GPN1: variants seen among roughly 807,000 people sequenced by gnomAD.
The protein encoded by GPN1 is ATP(GTP)-binding protein.
GPN1 carries 44 observed loss-of-function variants against 55.9 expected under a neutral mutation model. The observed-to-expected ratio is 0.79, with a 90% CI of 0.62 to 1.01. The LOEUF (loss-of-function observed/expected upper bound fraction) is 1.01. Among genes scored for constraint, GPN1 ranks in the 50% least tolerant of loss-of-function variants. GPN1 has a pLI of 0.00. For missense variants in GPN1, 466 were observed against 462.8 expected (o/e 1.01, Z -0.06); for synonymous variants, 179 against 162.5 (o/e 1.10, Z -0.77).
intron 11 of GPN1, chr2:27,642,152 GAACTC>G (rs1314406084): frequency 6.1e-6 from 2 of 326,006 alleles, no homozygotes; most frequent in Admixed American, 4.4e-5. Flanking sequence ...ACCCTGGACT[GAACTC>G]AACACTTTAG....
chr2:27,645,272 A>AT (rs547090620), intron 12 of GPN1, among the ~76,000 whole-genome samples: 2,030 of 148,426 alleles, frequency 0.014, 15 homozygotes, highest in Middle Eastern at 0.09. Context: ...TCCCCAGCCC[A>AT]TTTTTTTTTT....
chr2:27,629,341 A>T, intron 1 of GPN1, 172 bp downstream of exon 1: 1 of 1,526,422 alleles, frequency 6.6e-7, no homozygotes, highest in Non-Finnish European at 8.9e-7. Context: ...GGCCCTAGCC[A>T]GGTTAATTAA....
In GPN1 at chr2:27,631,397, G is replaced by A. The variant is rs1673548676; in HGVS notation, c.245+331G>A. 9.1e-6 allele frequency: 4 copies of A among 438,710 alleles called. No homozygotes were observed. In the South Asian group the frequency reaches 1.1e-4, roughly 12 times the overall value. The allele number at this position is 438,710 out of a possible 1,614,324, so 27.2% of individuals were successfully genotyped here. A position where few individuals can be genotyped will look rare whatever the true frequency, so the allele number is the denominator to read the frequency against. ...TTTAGACTGGGAAACTCAGAAATGA[G>A]TGAGTTTAGTTGGATTAACTCTTAG... On this transcript the variant is annotated intron_variant, in intron 3 of 13. Transcript: ENST00000610189.
At chr2:27,628,757 AC>A (rs1673395126), upstream of GPN1, 1 of 1,543,996 alleles carries the variant, frequency 6.5e-7, no homozygotes, top group Admixed American at 2.0e-5. Flanking sequence ...TGCCCTCGGG[AC>A]CCCATCTCTT....
intron 11 of GPN1, among the ~76,000 whole-genome samples, chr2:27,641,759 A>AT (rs1168726302): frequency 6.6e-6 from 1 of 152,104 alleles, no homozygotes; most frequent in Admixed American, 6.5e-5. Context: ...TGCCTGGCTA[A>AT]TTTTATTTTG....
At chr2:27,629,819 C>T in intron 1 of GPN1, 40 bp from the exon 2 acceptor site, 2 of 1,086,184 alleles carry the variant, frequency 1.8e-6, no homozygotes. Flanking sequence ...CTCTTGTCCC[C>T]TCTTTGTCTC....
At chr2:27,634,695 G>A in intron 5 of GPN1, 151 bp from the exon 6 acceptor site, 1 of 621,624 alleles carries the variant, frequency 1.6e-6, no homozygotes, top group Non-Finnish European at 3.0e-6. Flanking sequence ...ATCATCATGT[G>A]CAGTTTAGGG....
upstream of GPN1, chr2:27,628,655 C>A (rs937621979): frequency 5.2e-6 from 8 of 1,551,420 alleles, no homozygotes; most frequent in African/African-American, 9.6e-5. Context: ...ACCGAATAAG[C>A]CCGAGCAGCC....
At chr2:27,635,298 C>CACTTTT in intron 7 of GPN1, 64 bp downstream of exon 7, 6 of 445,244 alleles carry the variant, frequency 1.3e-5, no homozygotes, top group Non-Finnish European at 2.2e-5. Flanking sequence ...CTTCTTCTTC[C>CACTTTT]TCTTTTTTTT....
In GPN1 at chr2:27,643,878, TAAAG is replaced by T. The variant is rs1674083863; in HGVS notation, c.931+1362_931+1365del. Among the ~76,000 whole-genome samples the T allele has an allele frequency of 1.3e-5, 2 of 152,274 alleles. No individual in the cohort carries two copies. Among genetic ancestry groups the T allele is most frequent in the South Asian group, 2.1e-4 (1 of 4,822 alleles). On this transcript the variant is annotated intron_variant, in intron 12 of 13. Coordinates refer to ENST00000610189, the MANE Select transcript of GPN1 (RefSeq NM_007266.4). The surrounding 1 kb of genome is among the most constrained non-coding windows in gnomAD (Gnocchi z 4.0). ...AAAGTGGTGTATGCTACGTTTTTCA[TAAAG>T]AATTACTATTTTTAGGCCGGGCGCA...
upstream of GPN1, chr2:27,629,029 T>C (rs1673413739): frequency 6.2e-7 from 1 of 1,613,864 alleles, no homozygotes; most frequent in Non-Finnish European, 8.5e-7. Flanking sequence ...GCGGTGTCTC[T>C]ATGGTCGGGT....
intron 7 of GPN1, among the ~76,000 whole-genome samples, chr2:27,636,723 C>T (rs1379395558): frequency 6.6e-6 from 1 of 152,166 alleles, no homozygotes; most frequent in Non-Finnish European, 1.5e-5. Flanking sequence ...GATCTGCCCG[C>T]CTTGGCCTCC....
At chr2:27,642,958 T>TATATATACAC (rs10643705) in intron 12 of GPN1, among the ~76,000 whole-genome samples, 4 of 122,610 alleles carry the variant, frequency 3.3e-5, no homozygotes, top group Non-Finnish European at 6.7e-5. Flanking sequence ...TATATATATA[T>TATATATACAC]ACACACACAC....
Position 27,643,197 on chromosome 2 carries a change from ATTTT to A in GPN1, c.931+688_931+691del, listed in dbSNP as rs199697263. On this transcript the variant is annotated intron_variant, in intron 12 of 13. Coordinates refer to ENST00000610189, the MANE Select transcript of GPN1 (RefSeq NM_007266.4). This position sits in a 1 kb window ranked among gnomAD's most constrained non-coding sequence, Gnocchi z 4.0. ...TCAATTTTTTTTATAATTAAAAAAA[ATTTT>A]TTTTTTTTTACAGTTTGACCTTAAT... Among the ~76,000 whole-genome samples, 3 of 144,420 alleles carry A rather than the reference ATTTT, an allele frequency of 2.1e-5. No individual in the cohort carries two copies. Among genetic ancestry groups the A allele is most frequent in the Non-Finnish European group, 4.6e-5 (3 of 65,454 alleles). The allele number at this position is 144,420 out of a possible 152,430, so 94.7% of individuals were successfully genotyped here. A position where few individuals can be genotyped will look rare whatever the true frequency, so the allele number is the denominator to read the frequency against.
At chr2:27,631,549 A>G (rs1673553729) in intron 3 of GPN1, 1 of 523,432 alleles carries the variant, frequency 1.9e-6, no homozygotes, top group South Asian at 2.2e-5. Context: ...GGTGGCCTTA[A>G]TGACCAATGC....
chr2:27,644,728 T>TC, intron 12 of GPN1, among the ~76,000 whole-genome samples: 1 of 148,020 alleles, frequency 6.8e-6, no homozygotes, highest in Non-Finnish European at 1.5e-5. Context: ...GTAGTGTTTT[T>TC]TTTTTTTTTT....
At position 27,638,237 on chromosome 2, in the gene GPN1, C is replaced by A; in HGVS notation, c.552C>A (p.Phe184Leu). 6.4e-7 allele frequency: 1 copy of A among 1,566,858 alleles called. No individual in the cohort carries two copies. Among genetic ancestry groups the A allele is most frequent in the Non-Finnish European group, 8.8e-7 (1 of 1,137,118 alleles). ...TCTTATACAAAACCAAGCTGCCTTT[C>A]ATTGTGGTCATGAATAAAGTAAGTG... ...CSILYKTKLP[F>L]IVVMNKTDII... Residue 184 changes from phenylalanine (F) to leucine (L), a missense_variant, in exon 8 of 14, where the codon TTC becomes TTA. Physicochemically the swap from Phe to Leu is conservative, Grantham distance 22. Coordinates refer to ENST00000610189, the MANE Select transcript of GPN1 (RefSeq NM_007266.4).
In GPN1 at chr2:27,629,109, G is replaced by A. The variant is rs780386452; in HGVS notation, c.51G>A (p.Arg17=). The change falls in exon 1 of 14, where the codon CGG becomes CGA. Residue 17 remains arginine, a synonymous_variant. Transcript: ENST00000610189. ...AGCTCCAGGCTTCTGGGGGTCCGCG[G>A]CACCCAGTGTGTCTGTTGGTGTTGG... ...AAELQASGGP[R]HPVCLLVLGM... The A allele has an allele frequency of 1.2e-5, 20 of 1,614,250 alleles. No individual in the cohort carries two copies. The highest frequency in any genetic ancestry group is 6.7e-5 in the African/African-American group (5 of 75,078).
At position 27,640,318 on chromosome 2, in the gene GPN1, A is replaced by G. The variant is rs142282653; in HGVS notation, c.800+193A>G. Among the ~76,000 whole-genome samples, 431 of 152,326 alleles carry G rather than the reference A, an allele frequency of 2.8e-3. 2 individuals carry two copies. Among genetic ancestry groups the G allele is most frequent in the Non-Finnish European group, 3.4e-3 (234 of 68,024 alleles). ...AATTTTGTTTTTTTTAAATAGAAGTATAAATCTTCATTGTATTGAGTGATT... is the reference window on the plus strand; with the variant it reads ...AATTTTGTTTTTTTTAAATAGAAGTGTAAATCTTCATTGTATTGAGTGATT... On this transcript the variant is annotated intron_variant, in intron 10 of 13. Transcript: ENST00000610189.
Sources: allele counts gnomAD v4.1 joint callset (sites outside exome capture counted in the v4.1 genomes callset), GRCh38; gene constraint gnomAD v4.1.1; non-coding constraint Gnocchi (gnomAD v3.1); transcripts MANE v1.5; gene names NCBI Gene and HGNC (gene_info 2026-07-23, HGNC 2026-07-21).